The following SLC17A9 variants were observed in gnomAD, a reference collection of about 807,000 sequenced individuals.
SLC17A9 encodes solute carrier family 17 member 9.
Under a neutral mutation model 55.0 loss-of-function variants are expected in SLC17A9, and 49 were observed. That is an observed-to-expected ratio of 0.89 (90% confidence interval 0.71 to 1.13). The LOEUF (loss-of-function observed/expected upper bound fraction) is 1.13. Ranked by LOEUF, SLC17A9 falls within the 50% of genes most tolerant of loss-of-function variation. The pLI, the probability that SLC17A9 is intolerant of heterozygous loss-of-function variation, is 0.00. For missense variants in SLC17A9, 526 were observed against 569.3 expected, an observed-to-expected ratio of 0.92 and a Z score of 0.77; for synonymous variants, 256 against 247.4, an observed-to-expected ratio of 1.03 and a Z score of -0.32.
In SLC17A9 at chr20:62,964,284, C is replaced by A. The variant is rs2248900; in HGVS notation, c.879C>A (p.Ser293Arg). The A allele has an allele frequency of 6.2e-7, 1 of 1,613,762 alleles. No homozygotes were observed. Among genetic ancestry groups the A allele is most frequent in the South Asian group, 1.1e-5 (1 of 91,082 alleles). The change falls in exon 8 of 13, where the codon AGC (serine) becomes AGA (arginine). Residue 293 changes from serine to arginine, a missense_variant. Transcript: ENST00000370351. ...WLVAIPASLFSGFLSDHLINQ... is the reference protein window; with the variant it reads ...WLVAIPASLFRGFLSDHLINQ... ...TGGCGATTCCGGCCAGTCTATTCAG[C>A]GGGTTTCTCTCTGATCATCTCATCA...
intron 12 of SLC17A9, 184 bp from the exon 13 acceptor site, chr20:62,967,153 A>G: frequency 7.2e-6 from 5 of 692,906 alleles, no homozygotes; most frequent in Non-Finnish European, 1.2e-5. Flanking sequence ...CTGCCCCTCC[A>G]AGACCCTCCA....
chr20:62,965,763 T>TGCCCGCACGGCCGAG (rs767810445), intron 10 of SLC17A9, 38 bp downstream of exon 10: 10 of 1,593,592 alleles, frequency 6.3e-6, no homozygotes, highest in Middle Eastern at 3.4e-4. Flanking sequence ...AGCGCCGTGC[T>TGCCCGCACGGCCGAG]GCCCGCACGG....
chr20:62,959,462 T>A (rs944305832), intron 3 of SLC17A9, among the ~76,000 whole-genome samples: 12 of 152,212 alleles, frequency 7.9e-5, no homozygotes, highest in Admixed American at 6.5e-5. Context: ...GGGGCAGCAA[T>A]GGCGGCTGCG....
chr20:62,959,758 G>T (rs1385904616), intron 3 of SLC17A9, among the ~76,000 whole-genome samples: 1 of 152,234 alleles, frequency 6.6e-6, no homozygotes, highest in Non-Finnish European at 1.5e-5. Flanking sequence ...TCTGTTTGAC[G>T]ATGCCCCCCT....
In SLC17A9 at chr20:62,968,314, A is replaced by AT. The variant is rs1362641139; in HGVS notation, c.*815dup. 6.6e-6 allele frequency: 1 copy of AT among 152,264 alleles called. No homozygotes were observed. The highest frequency in any genetic ancestry group is 1.9e-4 in the East Asian group (1 of 5,188). 9.4% of individuals were successfully genotyped at this position (152,264 alleles called of 1,614,324 possible). On this transcript the variant is annotated 3_prime_UTR_variant, in exon 13 of 13. Coordinates refer to ENST00000370351, the MANE Select transcript of SLC17A9 (RefSeq NM_022082.4). The stretch of plus-strand genomic sequence containing the variant: ...CCCTTGGGCCCTGCCCAGCATGGCC[A>AT]TGGCGCAGGCTCTCGAACCCGCATG...
At chr20:62,963,805 T>C (rs1039055618) in intron 7 of SLC17A9, 125 bp downstream of exon 7, 11 of 864,814 alleles carry the variant, frequency 1.3e-5, no homozygotes, top group African/African-American at 8.4e-5. Flanking sequence ...ACTCTGAGGG[T>C]CCTGGCACTG....
intron 1 of SLC17A9, among the ~76,000 whole-genome samples, chr20:62,955,179 ACT>A (rs2065525972): frequency 7.1e-6 from 1 of 140,678 alleles, no homozygotes; most frequent in African/African-American, 2.7e-5. Context: ...GTGGAGTCTC[ACT>A]CTGTCGCCCA....
chr20:62,957,245 G>A, intron 2 of SLC17A9, 196 bp from the exon 3 acceptor site: 1 of 985,394 alleles, frequency 1.0e-6, no homozygotes, highest in Non-Finnish European at 1.2e-6. Flanking sequence ...CCAGGGCCCT[G>A]CAGGCAGAGG....
intron 6 of SLC17A9, 63 bp from the exon 7 acceptor site, chr20:62,963,521 G>T: frequency 6.5e-7 from 1 of 1,540,370 alleles, no homozygotes; most frequent in Non-Finnish European, 8.8e-7. Context: ...TCTCGGGGTG[G>T]GTCCCACAGG....
chr20:62,965,659 C>A lies in SLC17A9; in HGVS notation c.995C>A (p.Thr332Asn), dbSNP rs1568917911. The A allele has an allele frequency of 6.2e-7, 1 of 1,614,000 alleles. No individual in the cohort carries two copies. Among genetic ancestry groups the A allele is most frequent in the East Asian group, 2.2e-5 (1 of 44,888 alleles). The change falls in exon 10 of 13, where the codon ACC (threonine) becomes AAC (asparagine). Residue 332 changes from threonine (T) to asparagine (N), a missense_variant. By Grantham distance (65) the Thr-to-Asn change is moderately conservative (BLOSUM62 0). Transcript: ENST00000370351. ...GTCTTTGCTCTGTGCCTGGGCCACA[C>A]CTCCAGCTTCTGTGAGTCTGTGGTC... Reference protein sequence around the residue: ...SSVFALCLGHTSSFCESVVFA... With the variant: ...SSVFALCLGHNSSFCESVVFA...
intron 2 of SLC17A9, chr20:62,957,234 C>T (rs927281833): frequency 5.1e-6 from 5 of 985,372 alleles, no homozygotes; most frequent in Non-Finnish European, 4.8e-6. Context: ...TTGGCAAGGC[C>T]CCAGGGCCCT....
intron 1 of SLC17A9, among the ~76,000 whole-genome samples, chr20:62,953,706 C>T (rs2065511410): frequency 6.6e-6 from 1 of 152,242 alleles, no homozygotes; most frequent in Non-Finnish European, 1.5e-5. Flanking sequence ...GGTAATGGCA[C>T]CTTCTGGCCC....
rs1188465298 is a variant in SLC17A9, at chr20:62,952,905, G to A, written c.59+16G>A. 2.1e-6 allele frequency: 3 copies of A among 1,448,048 alleles called. No individual in the cohort carries two copies. Among genetic ancestry groups the A allele is most frequent in the Non-Finnish European group, 2.8e-6 (3 of 1,089,432 alleles). 89.7% of individuals were successfully genotyped at this position (1,448,048 alleles called of 1,614,324 possible). A position where few individuals can be genotyped will look rare whatever the true frequency, so the allele number is the denominator to read the frequency against. On this transcript the variant is annotated intron_variant, in intron 1 of 12. Coordinates refer to ENST00000370351, the MANE Select transcript of SLC17A9 (RefSeq NM_022082.4). ...AGTGGTCCAGGTGTGGCGGGGGTGA[G>A]GGGAGGGGGGGTGGGAGCGGTGGAG... is the stretch of plus-strand genomic sequence containing the variant.
Position 62,962,714 on chromosome 20 carries a change from T to C in SLC17A9, c.588T>C (p.Leu196=). 1 of 1,613,912 alleles carries C rather than the reference T, an allele frequency of 6.2e-7. No individual in the cohort carries two copies. Among genetic ancestry groups the C allele is most frequent in the Non-Finnish European group, 8.5e-7 (1 of 1,179,874 alleles). The change falls in exon 5 of 13, where the codon CTT becomes CTC. Residue 196 remains leucine (L), a synonymous_variant. Coordinates refer to ENST00000370351, the MANE Select transcript of SLC17A9 (RefSeq NM_022082.4). This position sits in a 1 kb window ranked among gnomAD's most constrained non-coding sequence, Gnocchi z 5.5. ...IFYFSGGLTL[L]WVWYVYRYLL... is the part of the protein sequence containing the mutation. Reference sequence around the variant, plus strand: ...ATTTCTCCGGCGGCCTCACCTTGCTTTGGGTGTGGTACGTGTACAGGTACC... The same window carrying C: ...ATTTCTCCGGCGGCCTCACCTTGCTCTGGGTGTGGTACGTGTACAGGTACC...
chr20:62,953,011 T>C, intron 1 of SLC17A9, 122 bp downstream of exon 1: 3 of 1,270,424 alleles, frequency 2.4e-6, no homozygotes, highest in South Asian at 2.9e-5. Context: ...CGGGCTCCTC[T>C]GGCTGTGGGG....
chr20:62,955,973 C>T (rs2065533630), intron 1 of SLC17A9, among the ~76,000 whole-genome samples: 1 of 152,256 alleles, frequency 6.6e-6, no homozygotes, highest in Non-Finnish European at 1.5e-5. Flanking sequence ...CTTCCTCCCA[C>T]ACAACTTTCT....
intron 7 of SLC17A9, 27 bp from the exon 8 acceptor site, chr20:62,964,201 C>T: frequency 1.2e-6 from 2 of 1,612,808 alleles, no homozygotes; most frequent in South Asian, 1.1e-5. Context: ...GCCCTGGCCC[C>T]CTCTAAGGCC....
chr20:62,967,523 A>C lies in SLC17A9; in HGVS notation c.*23A>C. ...TAGCTCCCAACCCCACAGCCTCTCC[A>C]AGGACCCAGGCGCCAGCAGCCCCAG... is the stretch of plus-strand genomic sequence containing the variant. On this transcript the variant is annotated 3_prime_UTR_variant, in exon 13 of 13. Coordinates refer to ENST00000370351, the MANE Select transcript of SLC17A9 (RefSeq NM_022082.4). The C allele has an allele frequency of 6.2e-7, 1 of 1,608,062 alleles. No individual in the cohort carries two copies. Among genetic ancestry groups the C allele is most frequent in the Non-Finnish European group, 8.5e-7 (1 of 1,176,182 alleles).
intron 9 of SLC17A9, 133 bp downstream of exon 9, chr20:62,965,299 G>C: frequency 8.2e-7 from 1 of 1,212,920 alleles, no homozygotes; most frequent in Non-Finnish European, 1.2e-6. Flanking sequence ...CATGTGTCCA[G>C]CACTGGGGCC....
Sources: allele counts gnomAD v4.1 joint callset (sites outside exome capture counted in the v4.1 genomes callset), GRCh38; gene constraint gnomAD v4.1.1; non-coding constraint Gnocchi (gnomAD v3.1); transcripts MANE v1.5; gene names NCBI Gene and HGNC (gene_info 2026-07-23, HGNC 2026-07-21).